Variants in MUC6 observed in about 807,000 individuals in gnomAD.
The protein encoded by MUC6 is mucin 6, oligomeric mucus/gel-forming (gene/pseudogene).
Under a neutral mutation model 201.5 loss-of-function variants are expected in MUC6, and 188 were observed. The observed-to-expected ratio is 0.93, with a 90% CI of 0.83 to 1.05. The LOEUF (loss-of-function observed/expected upper bound fraction) is 1.05, where lower values mean the gene tolerates loss of function less well. MUC6 is among the 50% of genes least tolerant of loss of function. The pLI is 0.00. For missense variants in MUC6, 2,706 were observed against 3,256.9 expected (o/e 0.83, Z 4.12); for synonymous variants, 1,228 against 1,389.4 (o/e 0.88, Z 2.58).
At chr11:1,031,505 T>G in intron 4 of MUC6, 102 bp downstream of exon 4, 1 of 1,492,198 alleles carries the variant, frequency 6.7e-7, no homozygotes. Flanking sequence ...CATGGCAGCC[T>G]GAGGGCTGGC....
intron 1 of MUC6, among the ~76,000 whole-genome samples, chr11:1,034,969 C>T (rs374991245): frequency 2.6e-5 from 4 of 152,234 alleles, no homozygotes; most frequent in Non-Finnish European, 4.4e-5. Context: ...TGCTTCCCCT[C>T]GGCTGATCCC....
intron 10 of MUC6, 27 bp downstream of exon 10, chr11:1,029,201 C>T (rs1233062394): frequency 6.2e-7 from 1 of 1,605,672 alleles, no homozygotes; most frequent in Non-Finnish European, 8.5e-7. Context: ...GAGCGCCCCT[C>T]CCCACGGGCC....
At chr11:1,026,275 G>A in intron 20 of MUC6, 52 bp downstream of exon 20, 2 of 1,547,218 alleles carry the variant, frequency 1.3e-6, no homozygotes, top group Non-Finnish European at 8.7e-7. Flanking sequence ...GCCTCCGCCT[G>A]CCCCAGATGG....
At chr11:1,030,384 T>A in intron 7 of MUC6, 49 bp from the exon 8 acceptor site, 1 of 843,624 alleles carries the variant, frequency 1.2e-6, no homozygotes, top group Non-Finnish European at 1.6e-6. Context: ...CCCCCACCCC[T>A]CCCTGCCCCA....
At chr11:1,023,443 T>C in intron 26 of MUC6, 66 bp downstream of exon 26, 1 of 1,508,472 alleles carries the variant, frequency 6.6e-7, no homozygotes, top group Non-Finnish European at 9.0e-7. Context: ...TGTGAATGAA[T>C]GAATGTGCAT....
rs780794002 is a variant in MUC6, at chr11:1,028,392, G to A, written c.1592-5C>T. On this transcript the variant is annotated splice_region_variant and splice_polypyrimidine_tract_variant and intron_variant, in intron 13 of 32. Coordinates refer to ENST00000421673, the MANE Select transcript of MUC6 (RefSeq NM_005961.3). ...CGTTGAAGTTGCCGCAGAGCCCTGAGCCGGCGGGGCGTGAGCTCGACTTGA... is the reference window on the plus strand; with the variant it reads ...CGTTGAAGTTGCCGCAGAGCCCTGAACCGGCGGGGCGTGAGCTCGACTTGA... 6 of 1,611,240 alleles carry A rather than the reference G, an allele frequency of 3.7e-6. No homozygotes were observed. The East Asian group carries it at 1.3e-4, about 36-fold the overall frequency.
intron 2 of MUC6, among the ~76,000 whole-genome samples, chr11:1,032,311 A>C (rs551933952): frequency 6.6e-6 from 1 of 151,692 alleles, no homozygotes; most frequent in Non-Finnish European, 1.5e-5. Context: ...GTGTGCACGT[A>C]TGTGCGTGTC....
At position 1,018,575 on chromosome 11, in the gene MUC6, G is replaced by A. The variant is rs763407033; in HGVS notation, c.4226C>T (p.Pro1409Leu). The stretch of plus-strand genomic sequence containing the variant: ...AGGGACGGGACTCCCCGCCGTAGGC[G>A]GGGAGTGTGTGGTGTGTGGGGTTTG... ...TPQTPHTTHS[P>L]PTAGSPVPST... Residue 1409 changes from proline to leucine, a missense_variant, in exon 31 of 33, where the codon CCG becomes CTG. Pro to Leu is a moderately conservative substitution (Grantham distance 98, BLOSUM62 -3). Around this residue, in one of 10 missense-constraint regions of MUC6, gnomAD observed 1,850 missense variants for 1,958.3 expected, o/e 0.94. Transcript: ENST00000421673. 9 of 1,613,314 alleles carry A rather than the reference G, an allele frequency of 5.6e-6. No individual in the cohort carries two copies. Among genetic ancestry groups the A allele is most frequent in the African/African-American group, 1.3e-5 (1 of 74,780 alleles).
Position 1,013,569 on chromosome 11 carries a change from C to A in MUC6, c.7207G>T (p.Glu2403Ter), listed in dbSNP as rs757467350. 6.4e-7 allele frequency: 1 copy of A among 1,573,310 alleles called. No individual in the cohort carries two copies. Among genetic ancestry groups the A allele is most frequent in the South Asian group, 1.2e-5 (1 of 85,552 alleles). The change falls in exon 33 of 33, where the codon GAG becomes TAG. Residue 2403 changes from glutamate to a stop codon, truncating the protein, a stop_gained. Transcript: ENST00000421673. LOFTEE classifies it low-confidence loss of function (END_TRUNC). Reference sequence around the variant, plus strand: ...GGGCAGGGCAGCTCCAGCTGCTGCTCATAGGAGTGGAGGGGGCGGCAGCAG... The same window carrying A: ...GGGCAGGGCAGCTCCAGCTGCTGCTAATAGGAGTGGAGGGGGCGGCAGCAG... ...CSCCRPLHSYEQQLELPCPDP... is the reference protein window; with the variant it reads ...CSCCRPLHSY
rs1252074382 is a variant in MUC6 at position 1,016,544 on chromosome 11, G to T, written c.6257C>A (p.Ser2086Tyr). 3.7e-6 allele frequency: 6 copies of T among 1,613,500 alleles called. No homozygotes were observed. The South Asian group carries it at 6.6e-5, about 18-fold the overall frequency. ...CAGCCAAGACGAGGAGGATATGAAG[G>T]AAGAAGAGGCTGTAGCTGTGCTGAA... ...SSFSTATASS[S>Y]FISSSSWLPQ... The change falls in exon 31 of 33, where the codon TCC (serine) becomes TAC (tyrosine). Residue 2086 changes from serine to tyrosine, a missense_variant. Around this residue, in one of 10 missense-constraint regions of MUC6, gnomAD observed 586 missense variants for 488.0 expected, o/e 1.20. Transcript: ENST00000421673.
Position 1,013,994 on chromosome 11 carries a change from G to A in MUC6, c.7047C>T (p.Cys2349=). The stretch of plus-strand genomic sequence containing the variant: ...TCTCCTCCTGCTGCTCCCGCACACT[G>A]CAGACCCCTGGTAGCCGAGTGGACG... ...GTPTPTSPGV[C]SVREQQEEIT... The change falls in exon 32 of 33, where the codon TGC becomes TGT. Residue 2349 remains cysteine (C), a synonymous_variant. Transcript: ENST00000421673. 1.9e-6 allele frequency: 3 copies of A among 1,606,918 alleles called. No homozygotes were observed. Among genetic ancestry groups the A allele is most frequent in the South Asian group, 2.2e-5 (2 of 89,980 alleles).
intron 1 of MUC6, among the ~76,000 whole-genome samples, chr11:1,034,098 C>A (rs938663529): frequency 1.3e-5 from 2 of 152,236 alleles, no homozygotes; most frequent in Non-Finnish European, 2.9e-5. Flanking sequence ...GGGCAGGGGC[C>A]TGTCAGCTGG....
At position 1,027,295 on chromosome 11, in the gene MUC6, T is replaced by C. The variant is rs1040983143; in HGVS notation, c.2204A>G (p.Gln735Arg). 2.5e-6 allele frequency: 4 copies of C among 1,612,612 alleles called. No homozygotes were observed. In the African/African-American group the frequency reaches 5.3e-5, roughly 22 times the overall value. The change falls in exon 17 of 33, where the codon CAG becomes CGG. Residue 735 changes from glutamine (Q) to arginine (R), a missense_variant. Physicochemically the swap from Gln to Arg is conservative, Grantham distance 43. Around this residue, in one of 10 missense-constraint regions of MUC6, gnomAD observed 1,850 missense variants for 1,958.3 expected, o/e 0.94. Coordinates refer to ENST00000421673, the MANE Select transcript of MUC6 (RefSeq NM_005961.3). ...GGTGATGCCGTTGATGACAGTGGAC[T>C]GCTCGGCCAGGATGAACTTGTAACC... The part of the protein sequence containing the change: ...LEGYKFILAE[Q>R]STVINGITCH...
intron 8 of MUC6, among the ~76,000 whole-genome samples, chr11:1,029,847 G>A (rs547431970): frequency 6.6e-6 from 1 of 152,196 alleles, no homozygotes; most frequent in African/African-American, 2.4e-5. Context: ...GGCCCTGGGC[G>A]TGCACAGCCC....
At position 1,013,558 on chromosome 11, in the gene MUC6, C is replaced by A; in HGVS notation, c.7218G>T (p.Leu2406=). 1 of 1,574,580 alleles carries A rather than the reference C, an allele frequency of 6.4e-7. No homozygotes were observed. The highest frequency in any genetic ancestry group is 1.2e-5 in the South Asian group (1 of 85,670). The change falls in exon 33 of 33, where the codon CTG becomes CTT. Residue 2406 remains leucine, a synonymous_variant. Transcript: ENST00000421673. ...TGCTGGGATCGGGGCAGGGCAGCTC[C>A]AGCTGCTGCTCATAGGAGTGGAGGG... ...CRPLHSYEQQ[L]ELPCPDPSTP...
rs1202446963 is a variant in MUC6, at chr11:1,026,368, G to A, written c.2505C>T (p.Ser835=). ...TGTGGAGCTCAGCTCCTCCAGGGTA[G>A]GAGACCCCCGAGAACTCACATGGGC... The part of the protein sequence containing the change: ...EECPCEFSGV[S]YPGGAELHTD... Residue 835 remains serine (S), a synonymous_variant, in exon 20 of 33, where the codon TCC becomes TCT. Transcript: ENST00000421673. 6.2e-7 allele frequency: 1 copy of A among 1,603,742 alleles called. No homozygotes were observed. Among genetic ancestry groups the A allele is most frequent in the Non-Finnish European group, 8.5e-7 (1 of 1,175,910 alleles).
Position 1,020,673 on chromosome 11 carries a change from C to T in MUC6, c.3640+11G>A, listed in dbSNP as rs778850970. 33 of 1,613,424 alleles carry T rather than the reference C, an allele frequency of 2.0e-5. 1 individual carries two copies. The highest frequency in any genetic ancestry group is 3.3e-5 in the Admixed American group (2 of 60,000). ...CTGCGTCACCTTGGCACCTAGTGTG[C>T]GTGCAATTACCTGTGGTGGGCAGCT... On this transcript the variant is annotated intron_variant, in intron 28 of 32. Transcript: ENST00000421673.
chr11:1,027,803 C>T lies in MUC6; in HGVS notation c.1863G>A (p.Gln621=). 3 of 1,610,872 alleles carry T rather than the reference C, an allele frequency of 1.9e-6. No individual in the cohort carries two copies. The highest frequency in any genetic ancestry group is 2.5e-6 in the Non-Finnish European group (3 of 1,179,480). The change falls in exon 16 of 33, where the codon CAG becomes CAA. Residue 621 remains glutamine (Q), a synonymous_variant. Coordinates refer to ENST00000421673, the MANE Select transcript of MUC6 (RefSeq NM_005961.3). ...GAAAGGTCTCCTCGTAGTTGCAGGCCTGGTACACGCACCTCTGCGGGCAGA... is the reference window on the plus strand; with the variant it reads ...GAAAGGTCTCCTCGTAGTTGCAGGCTTGGTACACGCACCTCTGCGGGCAGA... ...PAPFYKRCVY[Q]ACNYEETFPH...
rs1564828825 is a variant in MUC6 at position 1,012,937 on chromosome 11, CG to C, written c.*518del. On this transcript the variant is annotated 3_prime_UTR_variant, in exon 33 of 33. Transcript: ENST00000421673. ...TGGGGGCCTTCTGCCTGGCTGGGAG[CG>C]GGGGCGGCTGCCCTGCCCTCGCTGC... 1.9e-5 allele frequency: 3 copies of C among 155,802 alleles called. No individual in the cohort carries two copies. Among genetic ancestry groups the C allele is most frequent in the Admixed American group, 6.4e-5 (1 of 15,506 alleles). 9.7% of individuals were successfully genotyped at this position (155,802 alleles called of 1,614,324 possible).
Sources: gnomAD v4.1 joint callset for allele counts (sites outside exome capture counted in the v4.1 genomes callset) on GRCh38, gnomAD v4.1.1 for gene constraint, gnomAD v4.1.1 regional missense constraint, MANE v1.5 for transcripts, NCBI Gene and HGNC (gene_info 2026-07-23, HGNC 2026-07-21) for gene names.